GPM6A: variants seen among roughly 807,000 people sequenced by gnomAD.
GPM6A encodes the protein glycoprotein M6A.
A neutral mutation model predicts 32.1 loss-of-function variants in GPM6A; 7 were observed. The ratio of observed to expected loss-of-function variants is 0.22; its 90% confidence interval spans 0.12 to 0.41. The LOEUF (loss-of-function observed/expected upper bound fraction) is 0.41, where lower values mean the gene tolerates loss of function less well. GPM6A is among the 10% of genes least tolerant of loss of function. GPM6A has a pLI of 1.00. For synonymous variants in GPM6A, 130 were observed against 123.4 expected, an observed-to-expected ratio of 1.05 and a Z score of -0.35; for missense variants, 235 against 347.2, an observed-to-expected ratio of 0.68 and a Z score of 2.57.
chr4:175,931,815 T>C (rs994853431), intron 1 of GPM6A, among the ~76,000 whole-genome samples: 4 of 152,000 alleles, frequency 2.6e-5, no homozygotes, highest in African/African-American at 9.7e-5. Context: ...CTGGACATGG[T>C]GGCTTATGCC....
At chr4:175,695,429 G>T (rs550569548) in intron 2 of GPM6A, among the ~76,000 whole-genome samples, 1 of 152,286 alleles carries the variant, frequency 6.6e-6, no homozygotes, top group South Asian at 2.1e-4. Context: ...AGCCTGGGGG[G>T]GCCCAACCTT....
chr4:175,923,590 C>T (rs1738740413), intron 1 of GPM6A, among the ~76,000 whole-genome samples: 1 of 151,716 alleles, frequency 6.6e-6, no homozygotes, highest in Non-Finnish European at 1.5e-5. Flanking sequence ...ATCGGGCTCT[C>T]TTGCCCAGGC....
chr4:175,656,704 T>C (rs1204249303), intron 3 of GPM6A, among the ~76,000 whole-genome samples: 4 of 152,150 alleles, frequency 2.6e-5, no homozygotes, highest in Admixed American at 2.6e-4. Context: ...TGAACTCCTA[T>C]GAACTTAGAC....
intron 1 of GPM6A, among the ~76,000 whole-genome samples, chr4:175,991,296 G>A (rs976502914): frequency 1.3e-5 from 2 of 148,624 alleles, no homozygotes; most frequent in East Asian, 2.0e-4. Flanking sequence ...GGCTGGTCTC[G>A]AACTCCTGAC....
At chr4:175,985,573 G>A in intron 1 of GPM6A, among the ~76,000 whole-genome samples, 1 of 151,966 alleles carries the variant, frequency 6.6e-6, no homozygotes, top group East Asian at 1.9e-4. Context: ...TGATTGCTCT[G>A]ATTAGGAAAA....
At chr4:175,776,346 G>T (rs922826288) in intron 1 of GPM6A, among the ~76,000 whole-genome samples, 2 of 152,134 alleles carry the variant, frequency 1.3e-5, no homozygotes, top group Non-Finnish European at 2.9e-5. Flanking sequence ...AAGAGCAAAT[G>T]CATCTTGCCA....
At chr4:175,999,273 C>T (rs1217632682) in intron 1 of GPM6A, among the ~76,000 whole-genome samples, 1 of 152,156 alleles carries the variant, frequency 6.6e-6, no homozygotes, top group African/African-American at 2.4e-5. Flanking sequence ...TCCAATGGGG[C>T]CTGAAATTCC....
intron 1 of GPM6A, among the ~76,000 whole-genome samples, chr4:175,950,299 T>G (rs1739762884): frequency 6.6e-6 from 1 of 152,210 alleles, no homozygotes; most frequent in Admixed American, 6.5e-5. Flanking sequence ...GATGTTTATT[T>G]TTATTCAATT....
intron 1 of GPM6A, among the ~76,000 whole-genome samples, chr4:175,855,402 A>G (rs1736386500): frequency 6.6e-6 from 1 of 152,220 alleles, no homozygotes; most frequent in African/African-American, 2.4e-5. Flanking sequence ...AGGACAGAGG[A>G]TCCCAGGAAA....
chr4:175,652,602 A>T (rs1431722337), intron 3 of GPM6A, among the ~76,000 whole-genome samples: 1 of 151,908 alleles, frequency 6.6e-6, no homozygotes, highest in African/African-American at 2.4e-5. Flanking sequence ...TATTATTTTA[A>T]TTTTGAAAAT....
chr4:175,849,645 C>T (rs1044745058), intron 1 of GPM6A, among the ~76,000 whole-genome samples: 1 of 152,024 alleles, frequency 6.6e-6, no homozygotes, highest in Non-Finnish European at 1.5e-5. Context: ...TTCATAATTG[C>T]CTTTATTTTT....
chr4:175,823,862 C>T (rs937607166), intron 1 of GPM6A, among the ~76,000 whole-genome samples: 2 of 152,132 alleles, frequency 1.3e-5, no homozygotes, highest in Non-Finnish European at 2.9e-5. Flanking sequence ...AGTGCCTTGC[C>T]CAACACATCT....
chr4:175,827,581 T>C (rs1735478222), intron 1 of GPM6A, among the ~76,000 whole-genome samples: 1 of 152,170 alleles, frequency 6.6e-6, no homozygotes, highest in African/African-American at 2.4e-5. Flanking sequence ...GCAAACCAAT[T>C]AGCTATTTAT....
chr4:175,917,563 G>A (rs959513762), intron 1 of GPM6A, among the ~76,000 whole-genome samples: 11 of 152,286 alleles, frequency 7.2e-5, no homozygotes, highest in East Asian at 5.8e-4. Context: ...GTCCATGTAC[G>A]TTACCATAGT....
intron 1 of GPM6A, among the ~76,000 whole-genome samples, chr4:175,882,207 C>T (rs1231699513): frequency 2.0e-5 from 3 of 151,874 alleles, no homozygotes; most frequent in African/African-American, 7.2e-5. Context: ...AGGTAGCGTG[C>T]CTCTAAAAAT....
chr4:175,707,809 G>T (rs1382216047), intron 1 of GPM6A, among the ~76,000 whole-genome samples: 2 of 151,972 alleles, frequency 1.3e-5, no homozygotes, highest in Non-Finnish European at 2.9e-5. Flanking sequence ...TAAGTTTGAT[G>T]CTTGCGGTTG....
chr4:175,822,297 C>G (rs193296639), intron 1 of GPM6A, among the ~76,000 whole-genome samples: 1 of 152,164 alleles, frequency 6.6e-6, no homozygotes, highest in East Asian at 1.9e-4. Flanking sequence ...TTGAAAACTT[C>G]TTTTAATTGG....
chr4:175,893,746 G>A lies in GPM6A; in HGVS notation c.-22-81497C>T, dbSNP rs546216496. On this transcript the variant is annotated intron_variant, in intron 1 of 7. Transcript: ENST00000280187. The stretch of plus-strand genomic sequence containing the variant: ...GATCAGATTTGCATAATCTAGTTAC[G>A]TTTCCTAACCTTCCTAAGTAAAAAC... Among the ~76,000 whole-genome samples, 34 of 152,132 alleles carry A rather than the reference G, an allele frequency of 2.2e-4. 1 individual carries two copies. In the South Asian group the frequency reaches 5.4e-3, roughly 24 times the overall value.
chr4:175,871,503 T>C lies in GPM6A; in HGVS notation c.-22-59254A>G, dbSNP rs181994027. Reference sequence around the variant, plus strand: ...TAAAAATAAAGAAAGAATTCAATCTTACTAACAAGTAGCTGCCTTTCCTCC... The same window carrying C: ...TAAAAATAAAGAAAGAATTCAATCTCACTAACAAGTAGCTGCCTTTCCTCC... On this transcript the variant is annotated intron_variant, in intron 1 of 7. Coordinates refer to the GPM6A transcript ENST00000280187. Among the ~76,000 whole-genome samples the C allele has an allele frequency of 2.2e-3, 328 of 152,212 alleles. 2 individuals carry two copies. The highest frequency in any genetic ancestry group is 7.0e-3 in the African/African-American group (291 of 41,550).
Sources: allele counts gnomAD v4.1 joint callset (sites outside exome capture counted in the v4.1 genomes callset), GRCh38; gene constraint gnomAD v4.1.1; transcripts MANE v1.5; gene names NCBI Gene and HGNC (gene_info 2026-07-23, HGNC 2026-07-21).